The following KMT2C variants were observed in gnomAD, a reference collection of about 807,000 sequenced individuals.
The protein encoded by KMT2C is histone-lysine N-methyltransferase 2C.
A neutral mutation model predicts 507.9 loss-of-function variants in KMT2C; 88 were observed. The observed-to-expected ratio is 0.17, with a 90% CI of 0.15 to 0.21. The LOEUF is 0.21. KMT2C is among the 10% of genes least tolerant of loss of function. KMT2C has a pLI of 1.00. For synonymous variants in KMT2C, 2,049 were observed against 2,080.8 expected (o/e 0.98, Z 0.42); for missense variants, 4,954 against 5,957.8 (o/e 0.83, Z 5.55).
chr7:152,428,603 C>A (rs146426172), intron 1 of KMT2C, among the ~76,000 whole-genome samples: 124 of 151,872 alleles, frequency 8.2e-4, no homozygotes, highest in African/African-American at 2.8e-3. Context: ...TGCACTCTAG[C>A]CTGGGCAACA....
intron 6 of KMT2C, among the ~76,000 whole-genome samples, chr7:152,305,568 T>C (rs1399465376): frequency 2.6e-5 from 4 of 151,996 alleles, no homozygotes; most frequent in Non-Finnish European, 4.4e-5. Context: ...TTTTTTTTTT[T>C]CTCAGAATAA....
chr7:152,147,848 T>C (rs1222394301), intron 52 of KMT2C, among the ~76,000 whole-genome samples, 185 bp downstream of exon 52: 1 of 152,244 alleles, frequency 6.6e-6, no homozygotes. Flanking sequence ...TATGAAAGTG[T>C]TTAGACAACT....
At chr7:152,154,494 G>A (rs2129098935) in intron 46 of KMT2C, 49 bp from the exon 47 acceptor site, 1 of 1,557,192 alleles carries the variant, frequency 6.4e-7, no homozygotes, top group South Asian at 1.1e-5. Flanking sequence ...CCACCACTGG[G>A]GGCTTCCTGT....
intron 2 of KMT2C, among the ~76,000 whole-genome samples, chr7:152,339,831 A>T (rs967313235): frequency 1.3e-5 from 2 of 152,208 alleles, no homozygotes; most frequent in Non-Finnish European, 2.9e-5. Flanking sequence ...AAGCAAGCAG[A>T]TAAATCTCAT....
chr7:152,307,136 C>T (rs1449367879), intron 6 of KMT2C, among the ~76,000 whole-genome samples: 5 of 146,082 alleles, frequency 3.4e-5, no homozygotes, highest in South Asian at 2.2e-4. Flanking sequence ...CCAGCCTGGA[C>T]AACAGGGTGA....
chr7:152,370,585 T>A (rs10258150), intron 1 of KMT2C, among the ~76,000 whole-genome samples: 7,381 of 152,202 alleles, frequency 0.048, 631 homozygotes, highest in African/African-American at 0.17. Context: ...ACCAATTTCC[T>A]AAGTGAACAT....
chr7:152,378,687 T>A (rs2097347698), intron 1 of KMT2C, among the ~76,000 whole-genome samples: 1 of 152,194 alleles, frequency 6.6e-6, no homozygotes, highest in African/African-American at 2.4e-5. Context: ...TATCTGCATA[T>A]ACCCAGGTAT....
intron 16 of KMT2C, among the ~76,000 whole-genome samples, chr7:152,235,223 A>ATATATATATATATATATATATATC (rs930686899): frequency 6.6e-6 from 1 of 151,272 alleles, no homozygotes. Context: ...ATATATATAT[A>ATATATATATATATATATATATATC]TCAAAGCTTA....
At position 152,163,926 on chromosome 7, in the gene KMT2C, T is replaced by C. The variant is rs1468619221; in HGVS notation, c.9751-100A>G. ...TGGTTGAGGTTACACAGAGGGCAGT[T>C]TGGCCCTGCAGAAGCAAACATATTT... is the stretch of plus-strand genomic sequence containing the variant. On this transcript the variant is annotated intron_variant, in intron 42 of 58. Coordinates refer to ENST00000262189, the MANE Select transcript of KMT2C (RefSeq NM_170606.3). The C allele has an allele frequency of 1.7e-5, 19 of 1,148,192 alleles. No individual in the cohort carries two copies. In the Admixed American group the frequency reaches 3.7e-4, roughly 22 times the overall value. 71.1% of individuals were successfully genotyped at this position (1,148,192 alleles called of 1,614,324 possible). A position where few individuals can be genotyped will look rare whatever the true frequency, so the allele number is the denominator to read the frequency against.
At chr7:152,375,925 CAA>C (rs2097325862) in intron 1 of KMT2C, among the ~76,000 whole-genome samples, 1 of 152,136 alleles carries the variant, frequency 6.6e-6, no homozygotes, top group African/African-American at 2.4e-5. Context: ...CTTCCGGACT[CAA>C]GTGCTCAGCC....
intron 6 of KMT2C, among the ~76,000 whole-genome samples, chr7:152,289,349 G>A (rs2096365154): frequency 6.6e-6 from 1 of 152,142 alleles, no homozygotes; most frequent in African/African-American, 2.4e-5. Context: ...CACTGATGAA[G>A]CAGCAAAAAT....
intron 31 of KMT2C, among the ~76,000 whole-genome samples, chr7:152,191,247 T>C (rs888100627): frequency 2.0e-5 from 3 of 152,214 alleles, no homozygotes; most frequent in Admixed American, 2.0e-4. Context: ...AGTGTATATG[T>C]CCCATTTCTA....
rs187807677 is a variant in KMT2C, at chr7:152,287,138, G to T, written c.850-13271C>A. ...GGCTTCCTCCCTCTAGAGTGTGGGT[G>T]GAAAAAAAGTGGGGAGCCTGAGTTC... is the stretch of plus-strand genomic sequence containing the variant. On this transcript the variant is annotated intron_variant, in intron 6 of 58. Transcript: ENST00000262189. Among the ~76,000 whole-genome samples the T allele has an allele frequency of 5.3e-5, 8 of 152,172 alleles. No individual in the cohort carries two copies. The East Asian group carries it at 1.5e-3, about 29-fold the overall frequency.
rs564891691 is a variant in KMT2C, at chr7:152,388,500, G to A, written c.162-29825C>T. On this transcript the variant is annotated intron_variant, in intron 1 of 58. Coordinates refer to ENST00000262189, the MANE Select transcript of KMT2C (RefSeq NM_170606.3). The stretch of plus-strand genomic sequence containing the variant: ...CTTGAACCCGGGAGGCGGAGGTTGC[G>A]TAAGCCGAGATTGTGGCACCGCACT... Among the ~76,000 whole-genome samples, 84 of 97,880 alleles carry A rather than the reference G, an allele frequency of 8.6e-4. 1 individual carries two copies. Among genetic ancestry groups the A allele is most frequent in the African/African-American group, 4.0e-3 (81 of 20,462 alleles). 64.2% of individuals were successfully genotyped at this position (97,880 alleles called of 152,430 possible).
At chr7:152,356,897 G>GAATAAGAAT (rs1554673288) in intron 2 of KMT2C, among the ~76,000 whole-genome samples, 3 of 138,338 alleles carry the variant, frequency 2.2e-5, no homozygotes, top group African/African-American at 8.1e-5. Context: ...AACTCAAAAA[G>GAATAAGAAT]AATAATAATA....
rs141143474 is a variant in KMT2C, at chr7:152,315,242, T to A, written c.486A>T (p.Pro162=). ...TCTTGTTAGAAGGTTGGTTTCTCCA[T>A]GGCAAGATAAATCCAGGCGTTATTC... is the stretch of plus-strand genomic sequence containing the variant. ...QFRITPGFIL[P]WRNQPSNKKD... is the part of the protein sequence containing the mutation. Residue 162 remains proline, a synonymous_variant, in exon 4 of 59, where the codon CCA becomes CCT. Transcript: ENST00000262189. 1 of 1,614,034 alleles carries A rather than the reference T, an allele frequency of 6.2e-7. No homozygotes were observed. Among genetic ancestry groups the A allele is most frequent in the Non-Finnish European group, 8.5e-7 (1 of 1,179,936 alleles).
intron 6 of KMT2C, among the ~76,000 whole-genome samples, chr7:152,296,870 T>C (rs13231839): frequency 6.6e-6 from 1 of 151,856 alleles, no homozygotes; most frequent in Non-Finnish European, 1.5e-5. Context: ...CAGGGCATGG[T>C]GGCTCACACC....
At chr7:152,233,751 T>C (rs1004956020) in intron 16 of KMT2C, among the ~76,000 whole-genome samples, 7 of 152,164 alleles carry the variant, frequency 4.6e-5, no homozygotes, top group African/African-American at 7.2e-5. Flanking sequence ...TTTGTCAAGA[T>C]AGACAAAATG....
rs1463885204 is a variant in KMT2C, at chr7:152,179,967, G to A, written c.7309C>T (p.Pro2437Ser). Residue 2437 changes from proline (P) to serine (S), a missense_variant, in exon 37 of 59, where the codon CCT (proline) becomes TCT (serine). By Grantham distance (74) the Pro-to-Ser change is moderately conservative. Transcript: ENST00000262189. ...NVNQAFTRPPPPYPGNIRSPV... is the reference protein window; with the variant it reads ...NVNQAFTRPPSPYPGNIRSPV... ...GACCTAATGTTCCCAGGATAGGGAG[G>A]TGGGGGTCTGGTGAAAGCCTGGTTA... The A allele has an allele frequency of 1.9e-6, 3 of 1,614,046 alleles. No individual in the cohort carries two copies. Among genetic ancestry groups the A allele is most frequent in the Non-Finnish European group, 2.5e-6 (3 of 1,180,036 alleles).
Sources: gnomAD v4.1 joint callset for allele counts (sites outside exome capture counted in the v4.1 genomes callset) on GRCh38, gnomAD v4.1.1 for gene constraint, MANE v1.5 for transcripts, NCBI Gene and HGNC (gene_info 2026-07-23, HGNC 2026-07-21) for gene names.